Variants in BRINP1 observed in about 807,000 individuals in gnomAD.
BRINP1 encodes the protein BMP/retinoic acid inducible neural specific 1, also known as BMP/retinoic acid-inducible neural-specific protein 1.
BRINP1 carries 17 observed loss-of-function variants against 72.9 expected under a neutral mutation model. The ratio of observed to expected loss-of-function variants is 0.23; its 90% CI spans 0.16 to 0.35. BRINP1 has a LOEUF of 0.35. BRINP1 is among the 10% of genes least tolerant of loss of function. The pLI is 1.00. For missense variants in BRINP1, 850 were observed against 1,001.6 expected, an observed-to-expected ratio of 0.85 and a Z score of 2.04; for synonymous variants, 418 against 378.5, an observed-to-expected ratio of 1.10 and a Z score of -1.21.
intron 2 of BRINP1, among the ~76,000 whole-genome samples, chr9:119,308,962 C>A (rs1048199397): frequency 7.4e-6 from 1 of 135,206 alleles, no homozygotes; most frequent in Non-Finnish European, 1.6e-5. Context: ...TACTGATGAT[C>A]TCACAGTTAG....
chr9:119,203,057 T>C (rs902282147), intron 7 of BRINP1, among the ~76,000 whole-genome samples: 2 of 152,056 alleles, frequency 1.3e-5, no homozygotes, highest in African/African-American at 4.8e-5. Flanking sequence ...CTACAGTATA[T>C]ATATTTCAAT....
intron 7 of BRINP1, among the ~76,000 whole-genome samples, chr9:119,179,493 G>A (rs918179669): frequency 6.6e-6 from 1 of 152,186 alleles, no homozygotes; most frequent in Non-Finnish European, 1.5e-5. Context: ...GAAACTTCAA[G>A]AAGAAACCTT....
chr9:119,244,046 T>C (rs1830287717), intron 3 of BRINP1, among the ~76,000 whole-genome samples: 3 of 152,194 alleles, frequency 2.0e-5, no homozygotes, highest in African/African-American at 7.2e-5. Context: ...CCCTCGTCGT[T>C]AGGACTTCTA....
At chr9:119,188,880 C>T (rs1300513806) in intron 7 of BRINP1, among the ~76,000 whole-genome samples, 3 of 151,994 alleles carry the variant, frequency 2.0e-5, no homozygotes, top group African/African-American at 7.2e-5. Flanking sequence ...GAGGTAAATT[C>T]ATAATTAAAT....
At chr9:119,329,379 T>C (rs918447425) in intron 1 of BRINP1, among the ~76,000 whole-genome samples, 4 of 152,302 alleles carry the variant, frequency 2.6e-5, no homozygotes, top group African/African-American at 7.2e-5. Context: ...CATCCTTTTA[T>C]AGAGTACCTT....
intron 1 of BRINP1, among the ~76,000 whole-genome samples, chr9:119,366,080 T>C (rs1831687766): frequency 6.6e-6 from 1 of 152,022 alleles, no homozygotes; most frequent in South Asian, 2.1e-4. Context: ...ACTCTTCACA[T>C]GGGAGATGCT....
chr9:119,252,536 A>T (rs1830401133), intron 2 of BRINP1, among the ~76,000 whole-genome samples: 1 of 150,490 alleles, frequency 6.6e-6, no homozygotes. Flanking sequence ...GTATATAGAA[A>T]AATATATATA....
intron 2 of BRINP1, among the ~76,000 whole-genome samples, chr9:119,275,001 T>G (rs1307594420): frequency 2.0e-5 from 3 of 152,156 alleles, no homozygotes; most frequent in Non-Finnish European, 4.4e-5. Flanking sequence ...CACATCTCCT[T>G]TTATAAATTA....
intron 2 of BRINP1, among the ~76,000 whole-genome samples, chr9:119,263,052 T>C (rs1313403368): frequency 6.6e-6 from 1 of 152,122 alleles, no homozygotes; most frequent in Non-Finnish European, 1.5e-5. Context: ...TCTCAGGGGA[T>C]AGCGATGAAC....
chr9:119,300,153 A>G (rs1281568942), intron 2 of BRINP1, among the ~76,000 whole-genome samples: 1 of 151,946 alleles, frequency 6.6e-6, no homozygotes, highest in Non-Finnish European at 1.5e-5. Context: ...CTTTCCTCCT[A>G]TTTCAACAAA....
Position 119,167,499 on chromosome 9 carries a change from C to A in BRINP1, c.1871G>T (p.Arg624Leu). ...TVHIYLRSRT[R>L]LPTLLRNETG... ...CTCATTTCGCAGTAGGGTAGGTAGC[C>A]GAGTCCGACTACGTAGGTAGATGTG... The change falls in exon 8 of 8, where the codon CGG becomes CTG. Residue 624 changes from arginine (R) to leucine (L), a missense_variant. Coordinates refer to ENST00000265922, the MANE Select transcript of BRINP1 (RefSeq NM_014618.3). The surrounding 1 kb of genome is among the most constrained non-coding windows in gnomAD (Gnocchi z 4.3). The A allele has an allele frequency of 2.5e-6, 4 of 1,614,092 alleles. No homozygotes were observed. Among genetic ancestry groups the A allele is most frequent in the Non-Finnish European group, 3.4e-6 (4 of 1,179,994 alleles).
chr9:119,216,504 T>G (rs188203425), intron 5 of BRINP1, among the ~76,000 whole-genome samples: 1 of 152,188 alleles, frequency 6.6e-6, no homozygotes, highest in African/African-American at 2.4e-5. Flanking sequence ...CTGAACTGAG[T>G]CTACAATTCT....
intron 4 of BRINP1, among the ~76,000 whole-genome samples, chr9:119,239,043 A>G (rs1456422220): frequency 6.6e-6 from 1 of 152,202 alleles, no homozygotes; most frequent in African/African-American, 2.4e-5. Context: ...AAGTTGACAC[A>G]TTATATTTCA....
intron 1 of BRINP1, among the ~76,000 whole-genome samples, chr9:119,334,535 C>A (rs13299595): frequency 6.6e-6 from 1 of 152,158 alleles, no homozygotes; most frequent in African/African-American, 2.4e-5. Context: ...AGCATGCCAT[C>A]AGGTTTAGCT....
intron 1 of BRINP1, among the ~76,000 whole-genome samples, chr9:119,321,338 A>G (rs1281494381): frequency 2.6e-5 from 4 of 152,094 alleles, no homozygotes; most frequent in South Asian, 2.1e-4. Flanking sequence ...AGAACTGGAG[A>G]CTGTGCTGCC....
intron 1 of BRINP1, among the ~76,000 whole-genome samples, chr9:119,360,000 AAG>A (rs1831612083): frequency 6.6e-6 from 1 of 152,228 alleles, no homozygotes; most frequent in African/African-American, 2.4e-5. Flanking sequence ...ACTGTCAGGG[AAG>A]AGAGAGCGGT....
chr9:119,306,289 A>T (rs1471957100), intron 2 of BRINP1, among the ~76,000 whole-genome samples: 1 of 152,232 alleles, frequency 6.6e-6, no homozygotes, highest in East Asian at 1.9e-4. Flanking sequence ...TGGAAGATCA[A>T]TTTTAAATAA....
Position 119,177,700 on chromosome 9 carries a change from G to A in BRINP1, c.1146-9476C>T, listed in dbSNP as rs192158608. On this transcript the variant is annotated intron_variant, in intron 7 of 7. Transcript: ENST00000265922. Reference sequence around the variant, plus strand: ...TTGTGGCTGAACTCTCAGAATCCTCGGTGAGGGAAATAAAAAGATGAAAGT... The same window carrying A: ...TTGTGGCTGAACTCTCAGAATCCTCAGTGAGGGAAATAAAAAGATGAAAGT... Among the ~76,000 whole-genome samples the A allele has an allele frequency of 9.6e-4, 146 of 152,220 alleles. 1 individual carries two copies. The highest frequency in any genetic ancestry group is 1.3e-3 in the Non-Finnish European group (89 of 68,026).
chr9:119,183,091 A>T (rs575662978), intron 7 of BRINP1, among the ~76,000 whole-genome samples: 1 of 152,346 alleles, frequency 6.6e-6, no homozygotes, highest in African/African-American at 2.4e-5. Context: ...GCATCAACAA[A>T]TTCAGAAAAC....
Sources: gnomAD v4.1 joint callset for allele counts (sites outside exome capture counted in the v4.1 genomes callset) on GRCh38, gnomAD v4.1.1 for gene constraint, Gnocchi (gnomAD v3.1) non-coding constraint, MANE v1.5 for transcripts, NCBI Gene and HGNC (gene_info 2026-07-23, HGNC 2026-07-21) for gene names.